Variants in ADAMTS3 observed in about 807,000 individuals in gnomAD.
The protein encoded by ADAMTS3 is ADAM metallopeptidase with thrombospondin type 1 motif 3.
Under a neutral mutation model 129.0 loss-of-function variants are expected in ADAMTS3, and 73 were observed. The ratio of observed to expected loss-of-function variants is 0.57; its 90% CI spans 0.47 to 0.69. The LOEUF (loss-of-function observed/expected upper bound fraction) is 0.69. ADAMTS3 is among the 30% of genes least tolerant of loss of function. The pLI is 0.00. For synonymous variants in ADAMTS3, 477 were observed against 510.8 expected (o/e 0.93, Z 0.89); for missense variants, 1,457 against 1,514.5 (o/e 0.96, Z 0.63).
intron 3 of ADAMTS3, among the ~76,000 whole-genome samples, chr4:72,428,145 T>C (rs376235113): frequency 6.6e-6 from 1 of 151,966 alleles, no homozygotes; most frequent in African/African-American, 2.4e-5. Context: ...AGGAAGAATG[T>C]TATGAAGGAA....
intron 2 of ADAMTS3, among the ~76,000 whole-genome samples, chr4:72,563,832 T>C (rs895203144): frequency 2.6e-5 from 4 of 152,120 alleles, no homozygotes; most frequent in African/African-American, 4.8e-5. Flanking sequence ...AACCAATATT[T>C]GAGGACCCAC....
rs531778684 is a variant in ADAMTS3, at chr4:72,411,332, C to T, written c.661+3483G>A. 2.2e-4 allele frequency among the ~76,000 whole-genome samples: 33 copies of T among 152,078 alleles called. No individual in the cohort carries two copies. The South Asian group carries it at 6.2e-3, about 29-fold the overall frequency. The stretch of plus-strand genomic sequence containing the variant: ...AAATAGATATTTTCATTTGGTCAAG[C>T]GGAATAGCTTAGGGCTCCAGAGTGT... On this transcript the variant is annotated intron_variant, in intron 4 of 21. Transcript: ENST00000286657.
intron 3 of ADAMTS3, among the ~76,000 whole-genome samples, chr4:72,509,657 A>T (rs1370472109): frequency 2.0e-5 from 3 of 152,104 alleles, no homozygotes; most frequent in Non-Finnish European, 4.4e-5. Flanking sequence ...CCAGGACCTG[A>T]TGGCTTTACT....
intron 12 of ADAMTS3, among the ~76,000 whole-genome samples, chr4:72,313,180 T>C (rs1028388774): frequency 6.6e-6 from 1 of 152,166 alleles, no homozygotes; most frequent in African/African-American, 2.4e-5. Context: ...GAGCACACAA[T>C]AGGGAATTCA....
At chr4:72,497,028 C>A (rs529925930) in intron 3 of ADAMTS3, among the ~76,000 whole-genome samples, 4 of 152,070 alleles carry the variant, frequency 2.6e-5, no homozygotes, top group African/African-American at 9.6e-5. Flanking sequence ...CCAGGTCCCC[C>A]CTTTGGAAGC....
At chr4:72,368,211 T>A (rs1720920062) in intron 4 of ADAMTS3, among the ~76,000 whole-genome samples, 1 of 152,198 alleles carries the variant, frequency 6.6e-6, no homozygotes, top group East Asian at 1.9e-4. Flanking sequence ...AAAATTGAGA[T>A]GGCTTTCTAA....
chr4:72,470,809 A>T (rs1719053900), intron 3 of ADAMTS3, among the ~76,000 whole-genome samples: 1 of 152,150 alleles, frequency 6.6e-6, no homozygotes, highest in African/African-American at 2.4e-5. Context: ...TATGGTAATG[A>T]CAATAATTTT....
At chr4:72,498,430 G>T (rs1436655704) in intron 3 of ADAMTS3, among the ~76,000 whole-genome samples, 3 of 151,818 alleles carry the variant, frequency 2.0e-5, no homozygotes, top group African/African-American at 7.3e-5. Context: ...TACTAGAAAA[G>T]CCTGTAAAAA....
chr4:72,548,079 C>A (rs11940040), intron 3 of ADAMTS3, among the ~76,000 whole-genome samples: 1 of 151,946 alleles, frequency 6.6e-6, no homozygotes, highest in Admixed American at 6.6e-5. Flanking sequence ...ACTTTCTTTA[C>A]GAGGATATCC....
intron 3 of ADAMTS3, among the ~76,000 whole-genome samples, chr4:72,427,207 A>G (rs561111933): frequency 2.0e-5 from 3 of 152,148 alleles, no homozygotes; most frequent in African/African-American, 7.2e-5. Flanking sequence ...ACTCTTTCTC[A>G]ACACCCCTTA....
chr4:72,561,398 G>C lies in ADAMTS3; in HGVS notation c.97+5976C>G, dbSNP rs146321948. On this transcript the variant is annotated intron_variant, in intron 2 of 21. Transcript: ENST00000286657. ...GGGGCCAGTGTAGTCCCAGCTACTC[G>C]GGAGGCTGAGGCAGGAGGATCGCCT... Among the ~76,000 whole-genome samples the C allele has an allele frequency of 6.8e-4, 104 of 152,114 alleles. No homozygotes were observed. In the East Asian group the frequency reaches 0.019, roughly 28 times the overall value.
At chr4:72,463,877 C>T (rs1296799690) in intron 3 of ADAMTS3, among the ~76,000 whole-genome samples, 1 of 151,812 alleles carries the variant, frequency 6.6e-6, no homozygotes, top group Admixed American at 6.6e-5. Flanking sequence ...ATCAAGAGCT[C>T]TGTGTTTCAT....
At chr4:72,322,792 C>A (rs1442685362) in intron 6 of ADAMTS3, among the ~76,000 whole-genome samples, 2 of 152,216 alleles carry the variant, frequency 1.3e-5, no homozygotes, top group African/African-American at 4.8e-5. Flanking sequence ...CCTCTTTAGA[C>A]AGAAATAAAT....
intron 21 of ADAMTS3, among the ~76,000 whole-genome samples, chr4:72,288,114 C>T (rs146629169): frequency 1.3e-5 from 2 of 152,300 alleles, no homozygotes; most frequent in African/African-American, 4.8e-5. Context: ...GATTCACCCA[C>T]CTTGGCCTCC....
intron 20 of ADAMTS3, among the ~76,000 whole-genome samples, chr4:72,289,882 A>G (rs1003466346): frequency 1.2e-4 from 19 of 152,262 alleles, no homozygotes; most frequent in African/African-American, 4.6e-4. Flanking sequence ...TGCCAAATAA[A>G]CTTTTGTTCT....
chr4:72,320,798 G>A lies in ADAMTS3; in HGVS notation c.1018C>T (p.Gln340Ter). 6.2e-7 allele frequency: 1 copy of A among 1,613,952 alleles called. No individual in the cohort carries two copies. The highest frequency in any genetic ancestry group is 8.5e-7 in the Non-Finnish European group (1 of 1,179,906). ...ENVCRWASQQ[Q>*]RSDLNHSEHH... ...TCAGAGTGGTTGAGATCAGATCTTTGCTGTTGGGACGCCCAGCGACACACA... is the reference window on the plus strand; with the variant it reads ...TCAGAGTGGTTGAGATCAGATCTTTACTGTTGGGACGCCCAGCGACACACA... Residue 340 changes from glutamine (Q) to a stop codon, truncating the protein, a stop_gained, in exon 7 of 22, where the codon CAA becomes TAA. Coordinates refer to ENST00000286657, the MANE Select transcript of ADAMTS3 (RefSeq NM_014243.3). LOFTEE classifies it high-confidence loss of function.
chr4:72,533,674 T>TATGTATATATACATATATATTG (rs1721110912), intron 3 of ADAMTS3, among the ~76,000 whole-genome samples: 1 of 150,282 alleles, frequency 6.7e-6, no homozygotes, highest in Admixed American at 6.6e-5. Flanking sequence ...TATATGCACA[T>TATGTATATATACATATATATTG]ATATGCACAC....
intron 4 of ADAMTS3, among the ~76,000 whole-genome samples, chr4:72,365,474 G>A (rs1256652987): frequency 2.0e-5 from 3 of 152,002 alleles, no homozygotes; most frequent in African/African-American, 4.8e-5. Context: ...TTTTTTTGGC[G>A]ATACTGAGAG....
chr4:72,551,298 T>C (rs994948384), intron 2 of ADAMTS3, among the ~76,000 whole-genome samples: 2 of 152,112 alleles, frequency 1.3e-5, no homozygotes, highest in Admixed American at 6.5e-5. Context: ...GCCTTCTCCA[T>C]ACCCAAGAGG....
Sources: gnomAD v4.1 joint callset for allele counts (sites outside exome capture counted in the v4.1 genomes callset) on GRCh38, gnomAD v4.1.1 for gene constraint, MANE v1.5 for transcripts, NCBI Gene and HGNC (gene_info 2026-07-23, HGNC 2026-07-21) for gene names.